ZNF521: variants seen among roughly 807,000 people sequenced by gnomAD.
The protein encoded by ZNF521 is LYST-interacting protein 3.
Under a neutral mutation model 105.5 loss-of-function variants are expected in ZNF521, and 14 were observed. The observed-to-expected ratio is 0.13, with a 90% CI of 0.09 to 0.21. The LOEUF (loss-of-function observed/expected upper bound fraction) is 0.21, where lower values mean the gene tolerates loss of function less well. ZNF521 is among the 10% of genes least tolerant of loss of function. ZNF521 has a pLI of 1.00. For synonymous variants in ZNF521, 635 were observed against 606.0 expected (o/e 1.05, Z -0.70); for missense variants, 1,233 against 1,629.7 (o/e 0.76, Z 4.19).
At chr18:25,239,447 G>A (rs951562794) in intron 3 of ZNF521, among the ~76,000 whole-genome samples, 7 of 152,196 alleles carry the variant, frequency 4.6e-5, no homozygotes, top group African/African-American at 1.7e-4. Context: ...AGCTGCGTTA[G>A]CTAGATGGGA....
In ZNF521 at chr18:25,294,471, T is replaced by C. The variant is rs1051894080; in HGVS notation, c.220+27537A>G. ...TACTAGACACTAGTAGCAAACTCTGTTTTTCACCATGTGCAAATTACAGTC... is the reference window on the plus strand; with the variant it reads ...TACTAGACACTAGTAGCAAACTCTGCTTTTCACCATGTGCAAATTACAGTC... On this transcript the variant is annotated intron_variant, in intron 3 of 7. Transcript: ENST00000361524. 3.9e-5 allele frequency among the ~76,000 whole-genome samples: 6 copies of C among 152,184 alleles called. No individual in the cohort carries two copies. In the South Asian group the frequency reaches 6.2e-4, roughly 16 times the overall value.
intron 5 of ZNF521, among the ~76,000 whole-genome samples, chr18:25,161,434 G>A (rs1169333833): frequency 6.6e-6 from 1 of 152,132 alleles, no homozygotes; most frequent in Admixed American, 6.5e-5. Flanking sequence ...GGAGGGGAAT[G>A]GTTGTTGGCA....
At chr18:25,228,842 C>T (rs1402546122) in intron 3 of ZNF521, among the ~76,000 whole-genome samples, 1 of 151,958 alleles carries the variant, frequency 6.6e-6, no homozygotes, top group Non-Finnish European at 1.5e-5. Context: ...AAAATAAGAC[C>T]ATCTCAAAGC....
intron 5 of ZNF521, among the ~76,000 whole-genome samples, chr18:25,117,228 T>A (rs1425868173): frequency 6.6e-6 from 1 of 151,494 alleles, no homozygotes; most frequent in Non-Finnish European, 1.5e-5. Context: ...TTTCCCTCAC[T>A]CTCTCTCTCT....
intron 3 of ZNF521, among the ~76,000 whole-genome samples, chr18:25,284,934 A>G (rs2145003593): frequency 6.6e-6 from 1 of 151,936 alleles, no homozygotes; most frequent in Non-Finnish European, 1.5e-5. Context: ...ACACACACAC[A>G]GGGAGGCATC....
intron 4 of ZNF521, among the ~76,000 whole-genome samples, chr18:25,212,090 G>C (rs2036189279): frequency 6.6e-6 from 1 of 152,062 alleles, no homozygotes. Context: ...AAATTGACTA[G>C]AAAATGGGAC....
chr18:25,214,679 T>C (rs1161552749), intron 4 of ZNF521, among the ~76,000 whole-genome samples: 2 of 152,206 alleles, frequency 1.3e-5, no homozygotes, highest in Non-Finnish European at 2.9e-5. Context: ...GATTTTAAGA[T>C]ATCCTTTTCA....
chr18:25,350,134 A>C (rs1330241418), intron 2 of ZNF521, among the ~76,000 whole-genome samples: 2 of 152,070 alleles, frequency 1.3e-5, no homozygotes, highest in Non-Finnish European at 2.9e-5. Context: ...CGCCGCAGCC[A>C]GCTAGTGCGC....
At chr18:25,327,626 A>C in intron 2 of ZNF521, 1 of 527,176 alleles carries the variant, frequency 1.9e-6, no homozygotes. Flanking sequence ...CCTGGTTTGC[A>C]AAAACCAAAG....
chr18:25,062,973 A>C (rs2032949178), intron 7 of ZNF521, among the ~76,000 whole-genome samples: 1 of 152,108 alleles, frequency 6.6e-6, no homozygotes, highest in Non-Finnish European at 1.5e-5. Flanking sequence ...AGACCCAGAG[A>C]TCTTCTGAAC....
intron 4 of ZNF521, among the ~76,000 whole-genome samples, chr18:25,222,195 T>C (rs555982927): frequency 6.6e-6 from 1 of 152,156 alleles, no homozygotes; most frequent in African/African-American, 2.4e-5. Flanking sequence ...AAAAATGCAA[T>C]TGTAAAACTT....
intron 2 of ZNF521, among the ~76,000 whole-genome samples, chr18:25,337,538 C>A (rs1378753768): frequency 6.6e-6 from 1 of 152,182 alleles, no homozygotes; most frequent in Admixed American, 6.5e-5. Context: ...GATGCTCAAT[C>A]TACCTCATAA....
intron 4 of ZNF521, among the ~76,000 whole-genome samples, chr18:25,220,285 C>T (rs1238710733): frequency 6.6e-6 from 1 of 152,120 alleles, no homozygotes; most frequent in Admixed American, 6.5e-5. Context: ...ATGCATTGGT[C>T]AATTAGGCCA....
chr18:25,175,002 T>C (rs1228460388), intron 5 of ZNF521, among the ~76,000 whole-genome samples: 1 of 152,202 alleles, frequency 6.6e-6, no homozygotes, highest in Non-Finnish European at 1.5e-5. Context: ...CGAATGTAAT[T>C]AGATGATACA....
chr18:25,162,420 T>G (rs1416325622), intron 5 of ZNF521, among the ~76,000 whole-genome samples: 1 of 152,188 alleles, frequency 6.6e-6, no homozygotes, highest in East Asian at 1.9e-4. Flanking sequence ...CTATAATAAT[T>G]TTCAGTGTTT....
intron 3 of ZNF521, among the ~76,000 whole-genome samples, chr18:25,270,693 AG>A: frequency 6.6e-6 from 1 of 152,334 alleles, no homozygotes; most frequent in Non-Finnish European, 1.5e-5. Context: ...TTATCTCACT[AG>A]ATGCAGAAAA....
At chr18:25,289,491 T>A (rs1910888682) in intron 3 of ZNF521, among the ~76,000 whole-genome samples, 1 of 152,226 alleles carries the variant, frequency 6.6e-6, no homozygotes, top group Non-Finnish European at 1.5e-5. Context: ...GCAGGGCTTC[T>A]CATATTGCTG....
chr18:25,172,648 G>A (rs947784023), intron 5 of ZNF521, among the ~76,000 whole-genome samples: 4 of 152,248 alleles, frequency 2.6e-5, no homozygotes, highest in Non-Finnish European at 4.4e-5. Context: ...TACTAAATGC[G>A]TTTTAGAGTA....
intron 4 of ZNF521, among the ~76,000 whole-genome samples, chr18:25,211,419 C>T (rs75571615): frequency 0.023 from 3,568 of 152,250 alleles, 62 homozygotes; most frequent in South Asian, 0.074. Flanking sequence ...GACTCCTGCA[C>T]AGCCTCCTAT....
Sources: allele counts gnomAD v4.1 joint callset (sites outside exome capture counted in the v4.1 genomes callset), GRCh38; gene constraint gnomAD v4.1.1; transcripts MANE v1.5; gene names NCBI Gene and HGNC (gene_info 2026-07-23, HGNC 2026-07-21).